The following MLYCD variants were observed in gnomAD, a reference collection of about 807,000 sequenced individuals.
The protein encoded by MLYCD is malonyl-CoA decarboxylase, mitochondrial.
MLYCD carries 27 observed loss-of-function variants against 35.8 expected under a neutral mutation model. That is an observed-to-expected ratio of 0.75 (90% CI 0.56 to 1.04). The LOEUF is 1.04. Among genes scored for constraint, MLYCD ranks in the 50% least tolerant of loss-of-function variants. MLYCD has a pLI of 0.00. For missense variants in MLYCD, 917 were observed against 665.1 expected (o/e 1.38, Z -4.17); for synonymous variants, 403 against 302.4 (o/e 1.33, Z -3.45).
rs1907625561 is a variant in MLYCD, at chr16:83,920,773, C to G, written c.*5284C>G. ...GAAATTGCATAACGAACCTACAGAC[C>G]TATCACCCAGCTTCCACAGTCATCA... On this transcript the variant is annotated 3_prime_UTR_variant, in exon 5 of 5. Coordinates refer to ENST00000262430, the MANE Select transcript of MLYCD (RefSeq NM_012213.3). 1 of 152,268 alleles carries G rather than the reference C, an allele frequency of 6.6e-6. No homozygotes were observed. The highest frequency in any genetic ancestry group is 6.5e-5 in the Admixed American group (1 of 15,286). The allele number at this position is 152,268 out of a possible 1,614,324, so 9.4% of individuals were successfully genotyped here.
At chr16:83,905,867 G>T (rs1238273088) in intron 1 of MLYCD, among the ~76,000 whole-genome samples, 2 of 152,228 alleles carry the variant, frequency 1.3e-5, no homozygotes, top group Non-Finnish European at 2.9e-5. Context: ...TGGCTGTGCA[G>T]GCAGCACCGA....
chr16:83,916,196 A>G lies in MLYCD; in HGVS notation c.*707A>G. ...TAAAGCATTGAACATCTGATTGTGTAGTGGTGGTCGTCTTTAAGATTAGAG... is the reference window on the plus strand; with the variant it reads ...TAAAGCATTGAACATCTGATTGTGTGGTGGTGGTCGTCTTTAAGATTAGAG... On this transcript the variant is annotated 3_prime_UTR_variant, in exon 5 of 5. Transcript: ENST00000262430. The G allele has an allele frequency of 3.0e-6, 3 of 988,448 alleles. No homozygotes were observed. Among genetic ancestry groups the G allele is most frequent in the Non-Finnish European group, 3.6e-6 (3 of 830,732 alleles). 61.2% of individuals were successfully genotyped at this position (988,448 alleles called of 1,614,324 possible).
Position 83,920,545 on chromosome 16 carries a change from C to G in MLYCD, c.*5056C>G, listed in dbSNP as rs922625614. The G allele has an allele frequency of 1.3e-5, 2 of 152,402 alleles. No homozygotes were observed. The highest frequency in any genetic ancestry group is 6.5e-5 in the Admixed American group (1 of 15,284). 9.4% of individuals were successfully genotyped at this position (152,402 alleles called of 1,614,324 possible). A position where few individuals can be genotyped will look rare whatever the true frequency, so the allele number is the denominator to read the frequency against. On this transcript the variant is annotated 3_prime_UTR_variant, in exon 5 of 5. Transcript: ENST00000262430. ...CCCTTCCTCCCTCCTGCCCTCGAAT[C>G]TGCAAGGTCTCTCCGGGTGGCTGTG...
In MLYCD at chr16:83,917,785, C is replaced by G. The variant is rs1907474408; in HGVS notation, c.*2296C>G. On this transcript the variant is annotated 3_prime_UTR_variant, in exon 5 of 5. Transcript: ENST00000262430. ...CCTTAAAGACCAGCAGTCTTCTGTG[C>G]TTTATCCTGCTGCCTCCAGAGTGCC... 1 of 152,280 alleles carries G rather than the reference C, an allele frequency of 6.6e-6. No individual in the cohort carries two copies. Among genetic ancestry groups the G allele is most frequent in the Non-Finnish European group, 1.5e-5 (1 of 68,070 alleles). The allele number at this position is 152,280 out of a possible 1,614,324, so 9.4% of individuals were successfully genotyped here.
At chr16:83,899,787 C>G (rs928839381) in intron 1 of MLYCD, 115 bp downstream of exon 1, 2 of 1,288,020 alleles carry the variant, frequency 1.6e-6, no homozygotes, top group African/African-American at 3.1e-5. Flanking sequence ...ATAGCACGCT[C>G]ACTTCGCCCG....
rs1306974380 is a variant in MLYCD at position 83,915,034 on chromosome 16, A to T, written c.1027A>T (p.Asn343Tyr). 41 of 1,614,220 alleles carry T rather than the reference A, an allele frequency of 2.5e-5. No individual in the cohort carries two copies. The highest frequency in any genetic ancestry group is 3.4e-5 in the Non-Finnish European group (40 of 1,180,044). The change falls in exon 5 of 5, where the codon AAC becomes TAC. Residue 343 changes from asparagine (N) to tyrosine (Y), a missense_variant. Asn to Tyr is a moderately radical substitution (Grantham distance 143, BLOSUM62 -2). Coordinates refer to ENST00000262430, the MANE Select transcript of MLYCD (RefSeq NM_012213.3). ...CACCAAATGGCTTCTGGGGCTTCTG[A>T]ACTCGCAAACGAAGGAGCATGGGAG... ...GFTKWLLGLL[N>Y]SQTKEHGRNE...
rs1567638994 is a variant in MLYCD, at chr16:83,918,476, ACACAGTGCACAGGAGAACACG to A, written c.*3008_*3028del. On this transcript the variant is annotated 3_prime_UTR_variant, in exon 5 of 5. Transcript: ENST00000262430. ...GCACACACGGTGCACAGGAGAACAC[ACACAGTGCACAGGAGAACACG>A]CACAGTGCACAGGAGAACACAGAGT... 4.5e-5 allele frequency: 6 copies of A among 133,238 alleles called. No individual in the cohort carries two copies. The highest frequency in any genetic ancestry group is 2.5e-4 in the Admixed American group (3 of 12,174). 8.3% of individuals were successfully genotyped at this position (133,238 alleles called of 1,614,324 possible). A position where few individuals can be genotyped will look rare whatever the true frequency, so the allele number is the denominator to read the frequency against.
Position 83,916,895 on chromosome 16 carries a change from G to T in MLYCD, c.*1406G>T, listed in dbSNP as rs1180181973. On this transcript the variant is annotated 3_prime_UTR_variant, in exon 5 of 5. Transcript: ENST00000262430. ...AGCGTCTCTGTGTGGATCAGTGCAC[G>T]TCTGTGTGCGTGTGCACGAGCGTCT... 7.0e-6 allele frequency: 1 copy of T among 142,612 alleles called. No homozygotes were observed. The highest frequency in any genetic ancestry group is 1.5e-5 in the Non-Finnish European group (1 of 66,260). 8.8% of individuals were successfully genotyped at this position (142,612 alleles called of 1,614,324 possible). A position where few individuals can be genotyped will look rare whatever the true frequency, so the allele number is the denominator to read the frequency against.
At chr16:83,906,733 A>G (rs1906989927) in intron 1 of MLYCD, among the ~76,000 whole-genome samples, 1 of 140,940 alleles carries the variant, frequency 7.1e-6, no homozygotes, top group African/African-American at 2.9e-5. Flanking sequence ...TTCAAATTGA[A>G]TTGTTTCCTT....
intron 4 of MLYCD, chr16:83,912,620 G>C (rs1567635845): frequency 5.7e-6 from 3 of 526,092 alleles, no homozygotes; most frequent in African/African-American, 1.9e-5. Context: ...GTTGTATTCT[G>C]AGGTCATCAA....
chr16:83,912,156 G>A, intron 3 of MLYCD, 62 bp from the exon 4 acceptor site: 14 of 1,609,386 alleles, frequency 8.7e-6, no homozygotes, highest in Non-Finnish European at 1.2e-5. Context: ...CCAGCAACAG[G>A]CTTGCCTCGT....
Position 83,924,093 on chromosome 16 carries a change from G to C in MLYCD, c.*8604G>C, listed in dbSNP as rs1385696095. On this transcript the variant is annotated 3_prime_UTR_variant, in exon 5 of 5. Coordinates refer to ENST00000262430, the MANE Select transcript of MLYCD (RefSeq NM_012213.3). Reference sequence around the variant, plus strand: ...AGCTCCCACCAAAGCATAAAATCCAGGCCAGCGAGGGGCAGCCAGACCACG... The same window carrying C: ...AGCTCCCACCAAAGCATAAAATCCACGCCAGCGAGGGGCAGCCAGACCACG... 6.6e-6 allele frequency: 1 copy of C among 152,398 alleles called. No homozygotes were observed. The highest frequency in any genetic ancestry group is 1.5e-5 in the Non-Finnish European group (1 of 68,226). 9.4% of individuals were successfully genotyped at this position (152,398 alleles called of 1,614,324 possible).
chr16:83,908,509 T>A (rs1252380332), intron 3 of MLYCD, among the ~76,000 whole-genome samples: 1 of 152,190 alleles, frequency 6.6e-6, no homozygotes, highest in African/African-American at 2.4e-5. Flanking sequence ...CATCTGGCTG[T>A]GTTGATCTTA....
intron 1 of MLYCD, among the ~76,000 whole-genome samples, chr16:83,906,762 G>C (rs1906990897): frequency 6.6e-6 from 1 of 152,094 alleles, no homozygotes; most frequent in East Asian, 1.9e-4. Context: ...TTAACAGACT[G>C]AAGTAGTTAA....
intron 1 of MLYCD, among the ~76,000 whole-genome samples, chr16:83,901,389 A>G (rs977656488): frequency 1.6e-4 from 24 of 152,196 alleles, no homozygotes; most frequent in African/African-American, 4.6e-4. Flanking sequence ...ATTGCAATAG[A>G]TTCCTGGGTG....
intron 3 of MLYCD, chr16:83,911,977 A>G: frequency 1.8e-6 from 1 of 543,872 alleles, no homozygotes; most frequent in Non-Finnish European, 3.3e-6. Flanking sequence ...GTTTGCATGA[A>G]AATTTCAAGA....
In MLYCD at chr16:83,920,884, T is replaced by G. The variant is rs943558797; in HGVS notation, c.*5395T>G. ...AGGTCCTCAATGAACATTAGATGGA[T>G]GGATGGAAGGAAGGAAGATGGATGG... On this transcript the variant is annotated 3_prime_UTR_variant, in exon 5 of 5. Coordinates refer to ENST00000262430, the MANE Select transcript of MLYCD (RefSeq NM_012213.3). 6.6e-6 allele frequency: 1 copy of G among 151,220 alleles called. No individual in the cohort carries two copies. The highest frequency in any genetic ancestry group is 1.5e-5 in the Non-Finnish European group (1 of 67,946). The allele number at this position is 151,220 out of a possible 1,614,324, so 9.4% of individuals were successfully genotyped here.
Position 83,916,897 on chromosome 16 carries a change from CTG to C in MLYCD, c.*1413_*1414del, listed in dbSNP as rs537645093. 2.3e-5 allele frequency: 3 copies of C among 132,520 alleles called. No homozygotes were observed. Among genetic ancestry groups the C allele is most frequent in the Non-Finnish European group, 3.3e-5 (2 of 60,148 alleles). The allele number at this position is 132,520 out of a possible 1,614,324, so 8.2% of individuals were successfully genotyped here. A position where few individuals can be genotyped will look rare whatever the true frequency, so the allele number is the denominator to read the frequency against. On this transcript the variant is annotated 3_prime_UTR_variant, in exon 5 of 5. Transcript: ENST00000262430. The stretch of plus-strand genomic sequence containing the variant: ...CGTCTCTGTGTGGATCAGTGCACGT[CTG>C]TGTGCGTGTGCACGAGCGTCTCTGT...
intron 4 of MLYCD, chr16:83,912,625 C>T: frequency 2.0e-6 from 1 of 512,202 alleles, no homozygotes; most frequent in South Asian, 2.0e-5. Context: ...ATTCTGAGGT[C>T]ATCAACTCTC....
Sources: allele counts gnomAD v4.1 joint callset (sites outside exome capture counted in the v4.1 genomes callset), GRCh38; gene constraint gnomAD v4.1.1; transcripts MANE v1.5; gene names NCBI Gene and HGNC (gene_info 2026-07-23, HGNC 2026-07-21).